SPATA6: variants seen among roughly 807,000 people sequenced by gnomAD.
SPATA6 encodes the protein spermatogenesis associated 6.
Under a neutral mutation model 65.3 loss-of-function variants are expected in SPATA6, and 56 were observed. The ratio of observed to expected loss-of-function variants is 0.86; its 90% CI spans 0.69 to 1.07. The LOEUF (loss-of-function observed/expected upper bound fraction) is 1.07. SPATA6 is among the 50% of genes least tolerant of loss of function. The pLI, the probability that SPATA6 is intolerant of heterozygous loss-of-function variation, is 0.00. For missense variants in SPATA6, 590 were observed against 594.8 expected (o/e 0.99, Z 0.08); for synonymous variants, 199 against 213.2 (o/e 0.93, Z 0.58).
At position 48,442,517 on chromosome 1, in the gene SPATA6, A is replaced by G. The variant is rs1655592453; in HGVS notation, c.238+9035T>C. Among the ~76,000 whole-genome samples, 5 of 151,890 alleles carry G rather than the reference A, an allele frequency of 3.3e-5. No individual in the cohort carries two copies. The South Asian group carries it at 1.0e-3, about 32-fold the overall frequency. Reference sequence around the variant, plus strand: ...CTGGCAGAGGCAGGGAAAGACCAGCAGAAAGGAGAGAGAAAGGGACAGAAA... The same window carrying G: ...CTGGCAGAGGCAGGGAAAGACCAGCGGAAAGGAGAGAGAAAGGGACAGAAA... On this transcript the variant is annotated intron_variant, in intron 3 of 12. Coordinates refer to ENST00000371847, the MANE Select transcript of SPATA6 (RefSeq NM_019073.4).
Position 48,471,959 on chromosome 1 carries a change from G to A in SPATA6, c.50C>T (p.Ser17Leu), listed in dbSNP as rs760117179. 6.2e-7 allele frequency: 1 copy of A among 1,607,610 alleles called. No homozygotes were observed. Residue 17 changes from serine to leucine, a missense_variant and splice_region_variant, in exon 1 of 13, where the codon TCA (serine) becomes TTA (leucine). Physicochemically the swap from Ser to Leu is moderately radical, Grantham distance 145. Coordinates refer to ENST00000371847, the MANE Select transcript of SPATA6 (RefSeq NM_019073.4). ...LQCALALEISSVTCPGVVLKD... is the reference protein window; with the variant it reads ...LQCALALEISLVTCPGVVLKD... ...GTGGGAGGCGCTACCGGTACTCACT[G>A]AGCTGATCTCCAGCGCCAGGGCGCA...
At chr1:48,310,097 T>C (rs1380454049) in intron 11 of SPATA6, among the ~76,000 whole-genome samples, 2 of 152,236 alleles carry the variant, frequency 1.3e-5, no homozygotes, top group African/African-American at 2.4e-5. Context: ...ATTCAGCTTT[T>C]TCTTTGAAGG....
In SPATA6 at chr1:48,305,885, A is replaced by C; in HGVS notation, c.1195-7T>G. 6.2e-7 allele frequency: 1 copy of C among 1,607,080 alleles called. No homozygotes were observed. Among genetic ancestry groups the C allele is most frequent in the Non-Finnish European group, 8.5e-7 (1 of 1,175,658 alleles). On this transcript the variant is annotated splice_region_variant and splice_polypyrimidine_tract_variant and intron_variant, in intron 11 of 12. Transcript: ENST00000371847. ...TCTCTAGGTCTCTCTCATCCTGAAAAATTTTAAAGATTTCCATTAACTCAC... is the reference window on the plus strand; with the variant it reads ...TCTCTAGGTCTCTCTCATCCTGAAACATTTTAAAGATTTCCATTAACTCAC...
intron 6 of SPATA6, among the ~76,000 whole-genome samples, chr1:48,400,322 AT>A (rs928218699): frequency 6.6e-6 from 1 of 151,940 alleles, no homozygotes; most frequent in Non-Finnish European, 1.5e-5. Context: ...ACTTAGTAAC[AT>A]TTTATCTAAT....
chr1:48,283,111 C>A, the SPATA6 span, among the ~76,000 whole-genome samples: 18 of 141,268 alleles, frequency 1.3e-4, no homozygotes, highest in African/African-American at 4.8e-4. Flanking sequence ...CATATTCTTA[C>A]TCATAGGTGG....
intron 7 of SPATA6, among the ~76,000 whole-genome samples, chr1:48,396,475 A>G (rs1650596588): frequency 6.6e-6 from 1 of 151,762 alleles, no homozygotes; most frequent in South Asian, 2.1e-4. Flanking sequence ...ACTGTGACAC[A>G]GCAACATTAC....
At chr1:48,373,610 AAT>A (rs1647551051) in intron 9 of SPATA6, among the ~76,000 whole-genome samples, 2 of 152,050 alleles carry the variant, frequency 1.3e-5, no homozygotes, top group Non-Finnish European at 2.9e-5. Context: ...TTACTGTATT[AAT>A]CTGTTTTCCA....
intron 1 of SPATA6, among the ~76,000 whole-genome samples, chr1:48,455,246 T>A (rs1336219619): frequency 6.6e-6 from 1 of 152,178 alleles, no homozygotes; most frequent in African/African-American, 2.4e-5. Flanking sequence ...AAATATGAAA[T>A]GGGTTTTTAA....
At chr1:48,396,896 T>C (rs971051474) in intron 7 of SPATA6, among the ~76,000 whole-genome samples, 4 of 151,656 alleles carry the variant, frequency 2.6e-5, no homozygotes, top group Middle Eastern at 3.4e-3. Context: ...AACTACACAC[T>C]TAAAGATGGT....
chr1:48,403,958 T>C, intron 5 of SPATA6, 76 bp from the exon 6 acceptor site: 2 of 1,062,248 alleles, frequency 1.9e-6, no homozygotes, highest in Non-Finnish European at 2.7e-6. Flanking sequence ...GAATATGACC[T>C]AAAGTAACAA....
intron 1 of SPATA6, among the ~76,000 whole-genome samples, chr1:48,463,661 T>C (rs1005867947): frequency 6.6e-6 from 1 of 152,130 alleles, no homozygotes; most frequent in Non-Finnish European, 1.5e-5. Flanking sequence ...AAAAGGGATT[T>C]TATTAGGCAG....
chr1:48,387,091 C>T (rs192691475), intron 8 of SPATA6, among the ~76,000 whole-genome samples: 1 of 152,296 alleles, frequency 6.6e-6, no homozygotes, highest in Admixed American at 6.5e-5. Context: ...GAGCAAGTCA[C>T]GTCTTACATG....
intron 8 of SPATA6, among the ~76,000 whole-genome samples, chr1:48,388,710 GA>G (rs1649744016): frequency 6.7e-6 from 1 of 150,374 alleles, no homozygotes; most frequent in Admixed American, 6.6e-5. Context: ...AAATACATTT[GA>G]TTTTTTTTTT....
At chr1:48,430,335 A>G (rs897273407) in intron 3 of SPATA6, among the ~76,000 whole-genome samples, 6 of 152,142 alleles carry the variant, frequency 3.9e-5, no homozygotes, top group Non-Finnish European at 8.8e-5. Flanking sequence ...TCGTATATAC[A>G]AAATATTTAA....
intron 11 of SPATA6, among the ~76,000 whole-genome samples, chr1:48,332,100 AGACCAT>A (rs1283907450): frequency 4.6e-5 from 7 of 152,352 alleles, no homozygotes; most frequent in African/African-American, 1.7e-4. Context: ...TGGAAAGGAA[AGACCAT>A]TACCAGGCAC....
rs756358463 is a variant in SPATA6 at position 48,298,856 on chromosome 1, C to A, written c.1324G>T (p.Asp442Tyr). ...QQPRGTFHLDDGEYWSNRAAS... is the reference protein window; with the variant it reads ...QQPRGTFHLDYGEYWSNRAAS... Reference sequence around the variant, plus strand: ...GCCCTGTTGGACCAGTATTCACCGTCATCCAAATGGAAAGTGCCACGTGGC... The same window carrying A: ...GCCCTGTTGGACCAGTATTCACCGTAATCCAAATGGAAAGTGCCACGTGGC... The change falls in exon 13 of 13, where the codon GAC (aspartate) becomes TAC (tyrosine). Residue 442 changes from aspartate to tyrosine, a missense_variant. Transcript: ENST00000371847. The A allele has an allele frequency of 2.5e-6, 4 of 1,613,652 alleles. No individual in the cohort carries two copies. The South Asian group carries it at 4.4e-5, about 18-fold the overall frequency.
intron 11 of SPATA6, chr1:48,325,013 C>A: frequency 4.0e-6 from 1 of 249,120 alleles, no homozygotes. Flanking sequence ...CCCTAGTTCA[C>A]TAGCTCCCCA....
chr1:48,411,164 T>A (rs184913970), intron 5 of SPATA6, among the ~76,000 whole-genome samples: 2 of 152,252 alleles, frequency 1.3e-5, no homozygotes, highest in East Asian at 3.9e-4. Flanking sequence ...AGAATGTCAA[T>A]TACAATTTAA....
chr1:48,305,765 T>C, intron 12 of SPATA6, 22 bp downstream of exon 12: 1 of 1,541,480 alleles, frequency 6.5e-7, no homozygotes. Context: ...ATGAGAAGGA[T>C]ATACATATAT....
Sources: gnomAD v4.1 joint callset for allele counts (sites outside exome capture counted in the v4.1 genomes callset) on GRCh38, gnomAD v4.1.1 for gene constraint, MANE v1.5 for transcripts, NCBI Gene and HGNC (gene_info 2026-07-23, HGNC 2026-07-21) for gene names.